The following MAP3K15 variants were observed in gnomAD, a reference collection of about 807,000 sequenced individuals.
MAP3K15 encodes the protein mitogen-activated protein kinase kinase kinase 15.
A neutral mutation model predicts 99.5 loss-of-function variants in MAP3K15; 124 were observed. That is an observed-to-expected ratio of 1.25 (90% confidence interval 1.08 to 1.45). The LOEUF (loss-of-function observed/expected upper bound fraction) is 1.45. Among genes scored for constraint, MAP3K15 ranks in the 40% most tolerant of loss-of-function variants. The pLI is 0.00. For missense variants in MAP3K15, 1,242 were observed against 1,079.7 expected, an observed-to-expected ratio of 1.15 and a Z score of -2.11; for synonymous variants, 494 against 439.6, an observed-to-expected ratio of 1.12 and a Z score of -1.55.
At position 19,452,374 on chromosome X, in the gene MAP3K15, G is replaced by GAGA. The variant is rs2064059069; in HGVS notation, c.995+4536_995+4538dup. Among the ~76,000 whole-genome samples, 3 of 40,572 alleles carry GAGA rather than the reference G, an allele frequency of 7.4e-5. 1 individual carries two copies. The highest frequency in any genetic ancestry group is 1.2e-4 in the Non-Finnish European group (3 of 25,833). The allele number at this position is 40,572 out of a possible 115,157, so 35.2% of individuals were successfully genotyped here. ...AGAAAGAGAAGAGAAGAGAAGAGAA[G>GAGA]AGAGAAAAGAAAAGAGAAAAGAAAA... On this transcript the variant is annotated intron_variant, in intron 6 of 28. Transcript: ENST00000338883.
chrX:19,402,968 G>A (rs2063619833), intron 13 of MAP3K15, among the ~76,000 whole-genome samples: 1 of 111,804 alleles, frequency 8.9e-6, no homozygotes, highest in East Asian at 2.8e-4. Flanking sequence ...GCCCAGCTAT[G>A]AATATTATTT....
intron 16 of MAP3K15, among the ~76,000 whole-genome samples, chrX:19,394,811 TTTTTTTTTTTTTTTTTTTTTTTTTA>T (rs2063555281): frequency 8.2e-5 from 5 of 60,961 alleles, no homozygotes; most frequent in African/African-American, 4.6e-4. Flanking sequence ...TTTTTTTTTT[TTTTTTTTTTTTTTTTTTTTTTTTTA>T]AAAAGAGTGA....
chrX:19,502,387 G>A (rs897022116), intron 1 of MAP3K15, among the ~76,000 whole-genome samples: 2 of 111,393 alleles, frequency 1.8e-5, no homozygotes, highest in Admixed American at 9.6e-5. Context: ...AGATCTGATG[G>A]TTTAAAAGTG....
At chrX:19,368,298 A>G (rs2063350161) in intron 25 of MAP3K15, among the ~76,000 whole-genome samples, 2 of 111,298 alleles carry the variant, frequency 1.8e-5, no homozygotes, top group Admixed American at 9.5e-5. Context: ...GTGCGCCACC[A>G]TACCTGGCTA....
chrX:19,371,235 A>C, intron 23 of MAP3K15, 110 bp downstream of exon 23: 16 of 906,119 alleles, frequency 1.8e-5, no homozygotes, highest in Non-Finnish European at 2.3e-5. Context: ...GGAGCTGCTG[A>C]AGCTTGGGAT....
chrX:19,506,581 C>T (rs761229691), intron 1 of MAP3K15, among the ~76,000 whole-genome samples: 3 of 110,609 alleles, frequency 2.7e-5, no homozygotes, highest in East Asian at 2.8e-4. Context: ...AGTGCAGTAG[C>T]GCGATCTTGG....
At chrX:19,461,167 G>A (rs912806359) in intron 4 of MAP3K15, among the ~76,000 whole-genome samples, 7 of 111,629 alleles carry the variant, frequency 6.3e-5, no homozygotes, top group African/African-American at 2.3e-4. Context: ...TTTTAGTAGA[G>A]ATGAGGTTTC....
At chrX:19,472,685 T>C (rs2064216162) in intron 3 of MAP3K15, among the ~76,000 whole-genome samples, 1 of 112,100 alleles carries the variant, frequency 8.9e-6, no homozygotes, top group South Asian at 3.7e-4. Flanking sequence ...AATACAAAAA[T>C]ACTTATTACA....
At chrX:19,493,602 G>T (rs1359185929) in intron 1 of MAP3K15, among the ~76,000 whole-genome samples, 1 of 111,501 alleles carries the variant, frequency 9.0e-6, no homozygotes, top group African/African-American at 3.3e-5. Flanking sequence ...AGAAAAAAGG[G>T]CTTTATCCCT....
chrX:19,482,163 G>C (rs1473340141), intron 3 of MAP3K15: 1 of 84,042 alleles, frequency 1.2e-5, no homozygotes, highest in African/African-American at 6.3e-5. Context: ...CTGGGCGACA[G>C]AGTGAGATTC....
intron 6 of MAP3K15, among the ~76,000 whole-genome samples, chrX:19,432,944 T>G (rs1250142697): frequency 8.9e-6 from 1 of 112,067 alleles, no homozygotes; most frequent in African/African-American, 3.2e-5. Context: ...ACTCCTGACT[T>G]CAGGTGATCC....
chrX:19,363,357 G>A (rs1013246682), intron 25 of MAP3K15, among the ~76,000 whole-genome samples: 23 of 112,102 alleles, frequency 2.1e-4, no homozygotes, highest in African/African-American at 6.5e-4. Flanking sequence ...CTCGATCTTG[G>A]ACTTCGAGTC....
chrX:19,443,776 CA>C (rs2063976781), intron 6 of MAP3K15, among the ~76,000 whole-genome samples: 1 of 111,164 alleles, frequency 9.0e-6, no homozygotes, highest in African/African-American at 3.3e-5. Context: ...CGGGCCAGGC[CA>C]CATGGAGTCA....
chrX:19,406,641 C>T (rs984328341), intron 13 of MAP3K15, among the ~76,000 whole-genome samples: 23 of 112,461 alleles, frequency 2.0e-4, no homozygotes, highest in African/African-American at 7.1e-4. Flanking sequence ...CGAAAATATT[C>T]TAAAACTAGA....
At chrX:19,469,237 A>G (rs2147370550) in intron 3 of MAP3K15, among the ~76,000 whole-genome samples, 1 of 111,743 alleles carries the variant, frequency 8.9e-6, no homozygotes, top group African/African-American at 3.2e-5. Flanking sequence ...GCCCTCAGAA[A>G]TAATGCCGCA....
chrX:19,367,720 T>C (rs2063344121), intron 25 of MAP3K15, among the ~76,000 whole-genome samples: 1 of 90,457 alleles, frequency 1.1e-5, no homozygotes, highest in Non-Finnish European at 2.1e-5. Flanking sequence ...GCTATAACTA[T>C]GGATTTTTTT....
chrX:19,407,884 G>A (rs941392259), intron 12 of MAP3K15, among the ~76,000 whole-genome samples: 9 of 111,843 alleles, frequency 8.0e-5, no homozygotes, highest in African/African-American at 2.6e-4. Flanking sequence ...GAGAGCAGTG[G>A]CCCTCATGCC....
intron 1 of MAP3K15, among the ~76,000 whole-genome samples, chrX:19,490,140 TACAC>T (rs59202439): frequency 0.027 from 2,496 of 92,371 alleles, 33 homozygotes; most frequent in Non-Finnish European, 0.035. Context: ...ATAGGCATTA[TACAC>T]ACACACACAC....
intron 1 of MAP3K15, among the ~76,000 whole-genome samples, chrX:19,499,936 T>C (rs899370260): frequency 1.8e-5 from 2 of 112,949 alleles, no homozygotes; most frequent in Non-Finnish European, 3.7e-5. Context: ...CTATACATTT[T>C]ACATTTAATA....
Sources: allele counts gnomAD v4.1 joint callset (sites outside exome capture counted in the v4.1 genomes callset), GRCh38; gene constraint gnomAD v4.1.1; transcripts MANE v1.5; gene names NCBI Gene and HGNC (gene_info 2026-07-23, HGNC 2026-07-21).